FOXN3: variants seen among roughly 807,000 people sequenced by gnomAD.
FOXN3 encodes the protein forkhead box N3.
In FOXN3, 7 loss-of-function variants were observed where a neutral mutation model predicts 38.4. The ratio of observed to expected loss-of-function variants is 0.18; its 90% CI spans 0.10 to 0.34. FOXN3 has a LOEUF of 0.34. FOXN3 is among the 10% of genes least tolerant of loss of function. The probability of loss-of-function intolerance (pLI) is 1.00; values close to 1 mark genes in which losing one functional copy is unlikely to be tolerated. For missense variants in FOXN3, 456 were observed against 613.4 expected (o/e 0.74, Z 2.71); for synonymous variants, 230 against 242.2 (o/e 0.95, Z 0.47).
At chr14:89,227,966 C>T (rs183363482) in intron 4 of FOXN3, among the ~76,000 whole-genome samples, 64 of 152,276 alleles carry the variant, frequency 4.2e-4, no homozygotes, top group East Asian at 5.8e-4. Context: ...TCTTGAACTC[C>T]GGGCCTCAAG....
At chr14:89,481,234 G>T (rs573562170) in intron 1 of FOXN3, among the ~76,000 whole-genome samples, 108 of 152,158 alleles carry the variant, frequency 7.1e-4, no homozygotes, top group Admixed American at 2.6e-3. Flanking sequence ...CTCCACCCTA[G>T]ATTTCAAAAT....
At chr14:89,200,970 G>A (rs745466468) in intron 4 of FOXN3, among the ~76,000 whole-genome samples, 2 of 152,198 alleles carry the variant, frequency 1.3e-5, no homozygotes, top group African/African-American at 2.4e-5. Flanking sequence ...GGACAAAGGT[G>A]ACAAATGACC....
At chr14:89,215,794 G>A (rs902625628) in intron 4 of FOXN3, among the ~76,000 whole-genome samples, 8 of 152,110 alleles carry the variant, frequency 5.3e-5, no homozygotes, top group Non-Finnish European at 7.3e-5. Context: ...ACATTCCTGC[G>A]TCTGGCGGCG....
At chr14:89,510,635 A>G (rs1045699600) in intron 1 of FOXN3, among the ~76,000 whole-genome samples, 2 of 152,078 alleles carry the variant, frequency 1.3e-5, no homozygotes, top group African/African-American at 4.8e-5. Context: ...CAGAGTTCAG[A>G]GACTGTAGAC....
chr14:89,484,471 T>A lies in FOXN3; in HGVS notation c.-14-71981A>T, dbSNP rs183461895. 7.8e-4 allele frequency among the ~76,000 whole-genome samples: 119 copies of A among 152,338 alleles called. No individual in the cohort carries two copies. The highest frequency in any genetic ancestry group is 2.8e-3 in the African/African-American group (117 of 41,592). ...AAATTTGCATTCCATATACATTTCA[T>A]AAGGCACAAAATTTTATTCTTTTAA... On this transcript the variant is annotated intron_variant, in intron 1 of 6. Coordinates refer to the FOXN3 transcript ENST00000345097. The surrounding 1 kb of genome is among the most constrained non-coding windows in gnomAD (Gnocchi z 4.0).
chr14:89,267,809 G>A (rs185284101), intron 4 of FOXN3, among the ~76,000 whole-genome samples: 34 of 152,282 alleles, frequency 2.2e-4, no homozygotes, highest in Non-Finnish European at 2.8e-4. Flanking sequence ...GTATGCGTGC[G>A]TGTTGGCGGT....
At chr14:89,183,772 G>A (rs1374928737) in intron 4 of FOXN3, among the ~76,000 whole-genome samples, 3 of 152,188 alleles carry the variant, frequency 2.0e-5, no homozygotes, top group Non-Finnish European at 4.4e-5. Flanking sequence ...TATGGGTAGT[G>A]GGAAAACCAT....
intron 4 of FOXN3, among the ~76,000 whole-genome samples, chr14:89,188,460 G>A (rs1887864199): frequency 6.6e-6 from 1 of 152,160 alleles, no homozygotes; most frequent in African/African-American, 2.4e-5. Flanking sequence ...CCAGGCTCCA[G>A]CAGGCCTGCT....
intron 3 of FOXN3, among the ~76,000 whole-genome samples, chr14:89,320,623 G>GGTCT (rs1887868867): frequency 1.3e-5 from 2 of 152,102 alleles, no homozygotes; most frequent in African/African-American, 4.8e-5. Context: ...ACCCCTCATG[G>GGTCT]GTCTCCTCAT....
At chr14:89,459,956 C>T (rs746674144) in intron 1 of FOXN3, among the ~76,000 whole-genome samples, 30 of 152,142 alleles carry the variant, frequency 2.0e-4, no homozygotes, top group Non-Finnish European at 4.1e-4. Flanking sequence ...GAAGACAATA[C>T]GAACTCTGCC....
chr14:89,524,598 T>C (rs1384602022), intron 1 of FOXN3, among the ~76,000 whole-genome samples: 1 of 151,496 alleles, frequency 6.6e-6, no homozygotes, highest in Non-Finnish European at 1.5e-5. Flanking sequence ...ATACAACAGA[T>C]GACAAATATC....
rs374994041 is a variant in FOXN3, at chr14:89,543,868, C to A, written c.-15+75160G>T. On this transcript the variant is annotated intron_variant, in intron 1 of 6. Coordinates refer to the FOXN3 transcript ENST00000345097. ...TCTCTTCTGCATTCTAGTATACAACCGATTTGGTTTTAAGACCAGAATATC... is the reference window on the plus strand; with the variant it reads ...TCTCTTCTGCATTCTAGTATACAACAGATTTGGTTTTAAGACCAGAATATC... 5.3e-5 allele frequency among the ~76,000 whole-genome samples: 8 copies of A among 151,768 alleles called. No individual in the cohort carries two copies. In the South Asian group the frequency reaches 1.5e-3, roughly 28 times the overall value.
intron 4 of FOXN3, among the ~76,000 whole-genome samples, chr14:89,199,071 T>G (rs1488960116): frequency 6.6e-6 from 1 of 152,194 alleles, no homozygotes; most frequent in Non-Finnish European, 1.5e-5. Context: ...CCTCTGATCT[T>G]GAAGGCAGCA....
chr14:89,435,313 A>G (rs563031775), intron 1 of FOXN3, among the ~76,000 whole-genome samples: 1 of 151,198 alleles, frequency 6.6e-6, no homozygotes, highest in African/African-American at 2.4e-5. Flanking sequence ...TCAAGCCTTC[A>G]CTGAGCTATG....
intron 4 of FOXN3, among the ~76,000 whole-genome samples, chr14:89,254,521 GC>G (rs955874891): frequency 6.6e-6 from 1 of 152,178 alleles, no homozygotes; most frequent in African/African-American, 2.4e-5. Flanking sequence ...AGCAAGGCAT[GC>G]CCGGGGATGC....
upstream of FOXN3, among the ~76,000 whole-genome samples, chr14:89,420,558 G>A (rs373284091): frequency 6.6e-6 from 1 of 152,106 alleles, no homozygotes; most frequent in Non-Finnish European, 1.5e-5. Context: ...AAAGCACAAG[G>A]GGATGATTTT....
chr14:89,300,180 CTTT>C (rs35774627), intron 3 of FOXN3, among the ~76,000 whole-genome samples: 3 of 115,782 alleles, frequency 2.6e-5, no homozygotes, highest in Non-Finnish European at 3.5e-5. Context: ...AAGAAATGTA[CTTT>C]TTTTTTTTTT....
chr14:89,194,668 A>T (rs1156470908), intron 4 of FOXN3, among the ~76,000 whole-genome samples: 1 of 151,710 alleles, frequency 6.6e-6, no homozygotes, highest in African/African-American at 2.4e-5. Context: ...TAAAATACTT[A>T]AGTTTTTCCC....
At chr14:89,436,113 T>A (rs1263696036) in intron 1 of FOXN3, among the ~76,000 whole-genome samples, 2 of 151,528 alleles carry the variant, frequency 1.3e-5, no homozygotes, top group Admixed American at 1.3e-4. Context: ...AATGCTGAGA[T>A]CACAGGAGTG....
Sources: gnomAD v4.1 joint callset for allele counts (sites outside exome capture counted in the v4.1 genomes callset) on GRCh38, gnomAD v4.1.1 for gene constraint, Gnocchi (gnomAD v3.1) non-coding constraint, MANE v1.5 for transcripts, NCBI Gene and HGNC (gene_info 2026-07-23, HGNC 2026-07-21) for gene names.